Variants in ANKFY1 observed in about 807,000 individuals in gnomAD.
The protein encoded by ANKFY1 is ankyrin repeat and FYVE domain containing 1, also known as ankyrin repeat and FYVE domain-containing protein 1.
In ANKFY1, 47 loss-of-function variants were observed where a neutral mutation model predicts 128.3. The ratio of observed to expected loss-of-function variants is 0.37; its 90% confidence interval spans 0.29 to 0.47. The LOEUF (loss-of-function observed/expected upper bound fraction) is 0.47. Among genes scored for constraint, ANKFY1 ranks in the 20% least tolerant of loss-of-function variants. The probability of loss-of-function intolerance (pLI) is 1.00; values close to 1 mark genes in which losing one functional copy is unlikely to be tolerated. For synonymous variants in ANKFY1, 553 were observed against 601.6 expected (o/e 0.92, Z 1.18); for missense variants, 1,222 against 1,510.6 (o/e 0.81, Z 3.17).
rs1967278650 is a variant in ANKFY1 at position 4,242,283 on chromosome 17, G to A, written c.176C>T (p.Ala59Val). 3 of 1,591,308 alleles carry A rather than the reference G, an allele frequency of 1.9e-6. No homozygotes were observed. Among genetic ancestry groups the A allele is most frequent in the Non-Finnish European group, 2.6e-6 (3 of 1,172,218 alleles). ...SFISRLLAIVADLYEQEQYSD... is the reference protein window; with the variant it reads ...SFISRLLAIVVDLYEQEQYSD... Reference sequence around the variant, plus strand: ...GTACTGCTCCTGCTCGTAGAGGTCTGCCACGATGGCCAGCAGACGGCTGAT... The same window carrying A: ...GTACTGCTCCTGCTCGTAGAGGTCTACCACGATGGCCAGCAGACGGCTGAT... Residue 59 changes from alanine to valine, a missense_variant, in exon 2 of 25, where the codon GCA (alanine) becomes GTA (valine). Ala to Val is a moderately conservative substitution (Grantham distance 64). Coordinates refer to ENST00000341657, the MANE Select transcript of ANKFY1 (RefSeq NM_001330063.2).
chr17:4,261,325 C>T (rs531858501), intron 1 of ANKFY1, among the ~76,000 whole-genome samples: 6 of 152,322 alleles, frequency 3.9e-5, no homozygotes, highest in African/African-American at 1.4e-4. Flanking sequence ...CCCATCTCTA[C>T]AAAAATTAGC....
intron 1 of ANKFY1, among the ~76,000 whole-genome samples, chr17:4,248,764 A>G (rs1236878739): frequency 7.2e-5 from 11 of 152,186 alleles, no homozygotes; most frequent in Non-Finnish European, 1.6e-4. Context: ...ACTCTGTCTC[A>G]AAAAAGGAGA....
intron 3 of ANKFY1, among the ~76,000 whole-genome samples, chr17:4,235,251 G>A (rs939921381): frequency 2.0e-5 from 3 of 150,264 alleles, no homozygotes; most frequent in Non-Finnish European, 2.9e-5. Flanking sequence ...GCTGAGGCAC[G>A]AGAATCACTT....
At chr17:4,195,270 A>G in intron 9 of ANKFY1, 93 bp from the exon 10 acceptor site, 3 of 1,374,830 alleles carry the variant, frequency 2.2e-6, no homozygotes, top group Non-Finnish European at 2.0e-6. Context: ...ACCCTTTTTC[A>G]ATGACACATT....
At chr17:4,225,185 CCT>C (rs1460865040) in intron 3 of ANKFY1, among the ~76,000 whole-genome samples, 3 of 152,056 alleles carry the variant, frequency 2.0e-5, no homozygotes, top group South Asian at 4.2e-4. Flanking sequence ...GGCAAAACCC[CCT>C]CTCTACTAAA....
intron 8 of ANKFY1, among the ~76,000 whole-genome samples, 191 bp from the exon 9 acceptor site, chr17:4,195,662 G>T (rs765386335): frequency 6.6e-6 from 1 of 152,022 alleles, no homozygotes; most frequent in Non-Finnish European, 1.5e-5. Flanking sequence ...ATTATTCAGC[G>T]GCCAAAATGG....
At chr17:4,233,345 A>G (rs2060546480) in intron 3 of ANKFY1, among the ~76,000 whole-genome samples, 1 of 152,012 alleles carries the variant, frequency 6.6e-6, no homozygotes, top group Non-Finnish European at 1.5e-5. Context: ...TCAAAGATAC[A>G]TGGTTTCAAA....
chr17:4,190,605 C>T (rs1285516689), intron 10 of ANKFY1, among the ~76,000 whole-genome samples: 1 of 152,120 alleles, frequency 6.6e-6, no homozygotes, highest in Non-Finnish European at 1.5e-5. Context: ...ATTCCTAATG[C>T]TTTAAATATG....
At position 4,239,566 on chromosome 17, in the gene ANKFY1, TCTCA is replaced by T. The variant is rs372924759; in HGVS notation, c.203+2686_203+2689del. ...AATTTTGATTTTTTTTTTAAGACAG[TCTCA>T]CTCAATCACCCAGGCTGGAGTGCAG... On this transcript the variant is annotated intron_variant, in intron 2 of 24. Transcript: ENST00000341657. Among the ~76,000 whole-genome samples, 122 of 152,268 alleles carry T rather than the reference TCTCA, an allele frequency of 8.0e-4. No individual in the cohort carries two copies. In the South Asian group the frequency reaches 0.024, roughly 30 times the overall value.
intron 1 of ANKFY1, among the ~76,000 whole-genome samples, chr17:4,254,318 AAAAAAAAAAAAAAAAG>A (rs1335467918): frequency 1.3e-5 from 2 of 150,096 alleles, no homozygotes; most frequent in Non-Finnish European, 3.0e-5. Flanking sequence ...AAAAAAAAAA[AAAAAAAAAAAAAAAAG>A]GAAGGCACAG....
intron 2 of ANKFY1, among the ~76,000 whole-genome samples, 159 bp downstream of exon 2, chr17:4,242,088 CAAAAAAAAA>C (rs34447049): frequency 7.6e-6 from 1 of 132,398 alleles, no homozygotes; most frequent in African/African-American, 2.8e-5. Context: ...GACTCCAACT[CAAAAAAAAA>C]AAAAAAAATC....
At chr17:4,205,245 CA>C (rs947169112) in intron 7 of ANKFY1, among the ~76,000 whole-genome samples, 1 of 152,186 alleles carries the variant, frequency 6.6e-6, no homozygotes, top group African/African-American at 2.4e-5. Flanking sequence ...CATCCCTCCA[CA>C]AAACTAACGC....
At chr17:4,259,183 G>A (rs1193864745) in intron 1 of ANKFY1, among the ~76,000 whole-genome samples, 3 of 152,212 alleles carry the variant, frequency 2.0e-5, no homozygotes, top group Non-Finnish European at 1.5e-5. Context: ...TGAGGACACT[G>A]AGACTGACAG....
intron 24 of ANKFY1, chr17:4,168,934 G>A (rs1054357075): frequency 2.2e-6 from 1 of 462,706 alleles, no homozygotes; most frequent in African/African-American, 1.9e-5. Context: ...CAGGAAGGAT[G>A]GCACAGGCCT....
At chr17:4,213,014 A>G (rs1598087230) in intron 4 of ANKFY1, among the ~76,000 whole-genome samples, 1 of 151,732 alleles carries the variant, frequency 6.6e-6, no homozygotes, top group Admixed American at 6.6e-5. Flanking sequence ...TGACCTCATG[A>G]CCCGCCCGCC....
At chr17:4,185,859 C>A (rs1211269714) in intron 11 of ANKFY1, among the ~76,000 whole-genome samples, 2 of 152,210 alleles carry the variant, frequency 1.3e-5, no homozygotes, top group African/African-American at 4.8e-5. Context: ...CCGCCCGGAC[C>A]TAAGCCCCGG....
intron 17 of ANKFY1, 95 bp from the exon 18 acceptor site, chr17:4,179,152 G>A (rs570858962): frequency 2.9e-5 from 40 of 1,369,564 alleles, no homozygotes; most frequent in Non-Finnish European, 3.8e-5. Flanking sequence ...TTTCAGTTAT[G>A]AGAATCGATC....
chr17:4,233,828 T>A (rs563633981), intron 3 of ANKFY1, among the ~76,000 whole-genome samples: 1 of 152,348 alleles, frequency 6.6e-6, no homozygotes, highest in Admixed American at 6.5e-5. Flanking sequence ...TATAATCATC[T>A]CAGTGTTCCT....
intron 3 of ANKFY1, among the ~76,000 whole-genome samples, chr17:4,219,511 G>C (rs1402861940): frequency 6.6e-6 from 1 of 152,068 alleles, no homozygotes; most frequent in African/African-American, 2.4e-5. Flanking sequence ...TGATTACCTA[G>C]GAAAGGTGCA....
Sources: gnomAD v4.1 joint callset for allele counts (sites outside exome capture counted in the v4.1 genomes callset) on GRCh38, gnomAD v4.1.1 for gene constraint, MANE v1.5 for transcripts, NCBI Gene and HGNC (gene_info 2026-07-23, HGNC 2026-07-21) for gene names.